The following EYA2 variants were observed in gnomAD, a reference collection of about 807,000 sequenced individuals.
The protein encoded by EYA2 is protein phosphatase EYA2.
In EYA2, 31 loss-of-function variants were observed where a neutral mutation model predicts 69.2. That is an observed-to-expected ratio of 0.45 (90% CI 0.34 to 0.60). The LOEUF is 0.60. Ranked by LOEUF, EYA2 falls within the 20% of genes least tolerant of loss-of-function variation. EYA2 has a pLI of 0.02. For missense variants in EYA2, 622 were observed against 701.2 expected (o/e 0.89, Z 1.28); for synonymous variants, 257 against 279.4 (o/e 0.92, Z 0.80).
chr20:47,083,013 G>C lies in EYA2; in HGVS notation c.662-6226G>C, dbSNP rs148348768. On this transcript the variant is annotated intron_variant, in intron 7 of 15. Coordinates refer to ENST00000327619, the MANE Select transcript of EYA2 (RefSeq NM_005244.5). ...GTCTGAGACCAGCCTGAGCAACATA[G>C]CAAGACCCTGTCTCTGCAAAAAAAT... is the stretch of plus-strand genomic sequence containing the variant. Among the ~76,000 whole-genome samples, 462 of 152,168 alleles carry C rather than the reference G, an allele frequency of 3.0e-3. 3 individuals carry two copies. Among genetic ancestry groups the C allele is most frequent in the African/African-American group, 0.011 (437 of 41,486 alleles).
intron 2 of EYA2, among the ~76,000 whole-genome samples, chr20:47,000,969 A>G (rs1014045992): frequency 3.3e-5 from 5 of 152,134 alleles, no homozygotes; most frequent in Non-Finnish European, 4.4e-5. Flanking sequence ...TGTGTCTGCC[A>G]TTCTGGGGTT....
At chr20:46,977,351 TATCTC>T (rs562698404) in intron 1 of EYA2, among the ~76,000 whole-genome samples, 54 of 152,370 alleles carry the variant, frequency 3.5e-4, no homozygotes, top group Non-Finnish European at 4.9e-4. Flanking sequence ...ATGCAGTTCT[TATCTC>T]AGCAGGAGGA....
At chr20:46,967,844 T>C (rs780304029) in intron 1 of EYA2, among the ~76,000 whole-genome samples, 5 of 152,106 alleles carry the variant, frequency 3.3e-5, no homozygotes, top group African/African-American at 4.8e-5. Context: ...TGGCTTGACC[T>C]TGTGTATTGG....
intron 1 of EYA2, among the ~76,000 whole-genome samples, chr20:46,941,414 T>G (rs1032024541): frequency 2.6e-5 from 4 of 152,234 alleles, no homozygotes; most frequent in African/African-American, 9.6e-5. Flanking sequence ...TTTCATAGCC[T>G]CCTTCATCTT....
chr20:46,938,020 C>T (rs143915058), intron 1 of EYA2, among the ~76,000 whole-genome samples: 10 of 152,282 alleles, frequency 6.6e-5, no homozygotes, highest in African/African-American at 2.4e-4. Flanking sequence ...CCCCATTGCA[C>T]AGACGCAGAA....
chr20:47,173,006 C>A, intron 12 of EYA2, 139 bp downstream of exon 12: 1 of 925,382 alleles, frequency 1.1e-6, no homozygotes, highest in Non-Finnish European at 1.6e-6. Flanking sequence ...CCTGACGACA[C>A]CCTTCGGAAT....
At chr20:46,938,270 T>C (rs2146259575) in intron 1 of EYA2, among the ~76,000 whole-genome samples, 1 of 152,334 alleles carries the variant, frequency 6.6e-6, no homozygotes, top group African/African-American at 2.4e-5. Flanking sequence ...ACCCTTTCCT[T>C]TCTCTGTAAA....
intron 1 of EYA2, among the ~76,000 whole-genome samples, chr20:46,947,504 G>A (rs771873666): frequency 2.6e-5 from 4 of 152,100 alleles, no homozygotes; most frequent in African/African-American, 4.8e-5. Flanking sequence ...ATAAGCTCTC[G>A]TATTTTCTAT....
At chr20:46,926,596 C>G (rs1985424389) in intron 1 of EYA2, among the ~76,000 whole-genome samples, 2 of 152,178 alleles carry the variant, frequency 1.3e-5, no homozygotes, top group Admixed American at 1.3e-4. Context: ...TCCACTGATT[C>G]AAATTCTCAT....
chr20:47,150,609 AG>A (rs1432195434), intron 10 of EYA2, among the ~76,000 whole-genome samples: 2 of 151,914 alleles, frequency 1.3e-5, no homozygotes, highest in African/African-American at 4.8e-5. Flanking sequence ...CTGGGACTAT[AG>A]GCAGGCGTCA....
chr20:47,029,032 C>G (rs1190281720), intron 5 of EYA2, among the ~76,000 whole-genome samples: 8 of 152,216 alleles, frequency 5.3e-5, no homozygotes, highest in African/African-American at 1.9e-4. Flanking sequence ...ATAAAACTTA[C>G]TGTGCAAGCC....
intron 1 of EYA2, among the ~76,000 whole-genome samples, chr20:46,938,774 C>T (rs1337125887): frequency 6.6e-6 from 1 of 152,084 alleles, no homozygotes; most frequent in African/African-American, 2.4e-5. Context: ...CACAGACCAA[C>T]CCAGGTACTG....
At chr20:47,144,449 G>A (rs865886499) in intron 10 of EYA2, among the ~76,000 whole-genome samples, 22 of 151,880 alleles carry the variant, frequency 1.4e-4, no homozygotes, top group Admixed American at 8.5e-4. Flanking sequence ...ATTTTTTCCC[G>A]GAATCTGGAA....
At chr20:46,926,438 G>T (rs1470843681) in intron 1 of EYA2, among the ~76,000 whole-genome samples, 1 of 152,196 alleles carries the variant, frequency 6.6e-6, no homozygotes, top group Non-Finnish European at 1.5e-5. Context: ...CAAGGGCAGG[G>T]GAAGATGAGA....
chr20:46,981,614 C>T (rs1187118243), intron 1 of EYA2, among the ~76,000 whole-genome samples: 1 of 152,134 alleles, frequency 6.6e-6, no homozygotes, highest in East Asian at 1.9e-4. Flanking sequence ...AGTCAAGTCC[C>T]TTTCTTCATG....
intron 5 of EYA2, among the ~76,000 whole-genome samples, chr20:47,053,685 AAG>A (rs1442762372): frequency 1.3e-5 from 2 of 150,706 alleles, no homozygotes; most frequent in African/African-American, 2.4e-5. Context: ...AAAAAAAAAA[AAG>A]AGTAAGATTC....
intron 9 of EYA2, among the ~76,000 whole-genome samples, chr20:47,122,587 A>C (rs963515851): frequency 6.6e-6 from 1 of 151,638 alleles, no homozygotes; most frequent in Non-Finnish European, 1.5e-5. Flanking sequence ...CGTGTTTCTT[A>C]GTTTTTTATG....
chr20:46,951,450 T>G (rs534098938), intron 1 of EYA2, among the ~76,000 whole-genome samples: 1 of 152,306 alleles, frequency 6.6e-6, no homozygotes, highest in East Asian at 1.9e-4. Flanking sequence ...CTAGCTGTAG[T>G]GGGTTCTACC....
chr20:46,933,082 T>G (rs1422668098), intron 1 of EYA2, among the ~76,000 whole-genome samples: 1 of 152,226 alleles, frequency 6.6e-6, no homozygotes, highest in Admixed American at 6.5e-5. Flanking sequence ...CAGGTATATC[T>G]TTATAGCTGT....
Sources: gnomAD v4.1 joint callset for allele counts (sites outside exome capture counted in the v4.1 genomes callset) on GRCh38, gnomAD v4.1.1 for gene constraint, MANE v1.5 for transcripts, NCBI Gene and HGNC (gene_info 2026-07-23, HGNC 2026-07-21) for gene names.